Variants in GBP6 observed in about 807,000 individuals in gnomAD.
The protein encoded by GBP6 is guanylate binding protein family member 6, also known as guanylate-binding protein 6.
In GBP6, 54 loss-of-function variants were observed where a neutral mutation model predicts 61.5. The ratio of observed to expected loss-of-function variants is 0.88; its 90% CI spans 0.71 to 1.10. GBP6 has a LOEUF of 1.10. GBP6 is among the 50% of genes least tolerant of loss of function. The pLI is 0.00. For synonymous variants in GBP6, 255 were observed against 273.7 expected (o/e 0.93, Z 0.67); for missense variants, 748 against 752.8 (o/e 0.99, Z 0.07).
intron 3 of GBP6, among the ~76,000 whole-genome samples, chr1:89,370,203 C>G (rs903033213): frequency 2.0e-5 from 3 of 152,170 alleles, no homozygotes; most frequent in African/African-American, 7.2e-5. Flanking sequence ...ATTAAGAGAG[C>G]TGACACCTGT....
Position 89,381,786 on chromosome 1 carries a change from G to A in GBP6, c.964G>A (p.Glu322Lys). 1.9e-6 allele frequency: 3 copies of A among 1,614,158 alleles called. No homozygotes were observed. The highest frequency in any genetic ancestry group is 1.7e-6 in the Non-Finnish European group (2 of 1,180,014). Residue 322 changes from glutamate (E) to lysine (K), a missense_variant, in exon 7 of 11, where the codon GAG becomes AAG. Transcript: ENST00000370456. ...ENAVITLAQR[E>K]NSAAVQRAAD... ...TGCAGTGATAACTCTGGCCCAGCGT[G>A]AGAACTCAGCGGCCGTGCAGAGGGC...
At chr1:89,368,450 T>A in intron 1 of GBP6, 79 bp from the exon 2 acceptor site, 1 of 1,019,536 alleles carries the variant, frequency 9.8e-7, no homozygotes, top group Non-Finnish European at 1.5e-6. Context: ...AACACAGAAG[T>A]CTCATTAGTC....
intron 3 of GBP6, among the ~76,000 whole-genome samples, chr1:89,373,428 G>A (rs1160067329): frequency 1.3e-5 from 2 of 152,134 alleles, no homozygotes; most frequent in Non-Finnish European, 2.9e-5. Context: ...ATGTCCATCA[G>A]TGATAGACTG....
chr1:89,364,626 CGTGT>C (rs138686874), intron 1 of GBP6, among the ~76,000 whole-genome samples: 11 of 107,612 alleles, frequency 1.0e-4, no homozygotes, highest in African/African-American at 2.1e-4. Context: ...TCTGTGTGTG[CGTGT>C]GTGTGTGTGT....
rs1460139072 is a variant in GBP6 at position 89,385,247 on chromosome 1, T to C, written c.1680T>C (p.Leu560=). 1 of 1,613,686 alleles carries C rather than the reference T, an allele frequency of 6.2e-7. No homozygotes were observed. Among genetic ancestry groups the C allele is most frequent in the South Asian group, 1.1e-5 (1 of 91,032 alleles). ...GTCTTTAGGTCCAAAATGATTGGCT[T>C]CATGAAGGATTTAAGAAGAAGTATG... ...EHTQKVQNDW[L]HEGFKKKYEE... is the part of the protein sequence containing the mutation. Residue 560 remains leucine, a synonymous_variant, in exon 11 of 11, where the codon CTT becomes CTC. Transcript: ENST00000370456.
At chr1:89,379,418 C>G (rs576742859) in intron 5 of GBP6, among the ~76,000 whole-genome samples, 2 of 152,188 alleles carry the variant, frequency 1.3e-5, no homozygotes, top group African/African-American at 4.8e-5. Flanking sequence ...ACATGTTACA[C>G]AGATATTATT....
At chr1:89,371,526 C>T (rs1480514818) in intron 3 of GBP6, among the ~76,000 whole-genome samples, 1 of 152,156 alleles carries the variant, frequency 6.6e-6, no homozygotes, top group Non-Finnish European at 1.5e-5. Flanking sequence ...AATCAATAAA[C>T]ATAATCCAGC....
chr1:89,374,930 C>A (rs569111436), intron 3 of GBP6, among the ~76,000 whole-genome samples: 3 of 152,228 alleles, frequency 2.0e-5, no homozygotes, highest in African/African-American at 7.2e-5. Context: ...CCCTCCCACA[C>A]CCTCCCCTAA....
At chr1:89,370,554 T>C (rs1343187763) in intron 3 of GBP6, among the ~76,000 whole-genome samples, 1 of 152,228 alleles carries the variant, frequency 6.6e-6, no homozygotes, top group Non-Finnish European at 1.5e-5. Context: ...AAATAAATAA[T>C]TTCTCTCTTT....
chr1:89,365,046 A>C, intron 1 of GBP6, among the ~76,000 whole-genome samples: 1 of 140,660 alleles, frequency 7.1e-6, no homozygotes, highest in Non-Finnish European at 1.5e-5. Context: ...TCATTGTTCA[A>C]CTCCCACTTA....
At position 89,369,439 on chromosome 1, in the gene GBP6, A is replaced by G. The variant is rs995355217; in HGVS notation, c.191-107A>G. 3.1e-5 allele frequency: 41 copies of G among 1,305,494 alleles called. No homozygotes were observed. The African/African-American group carries it at 5.5e-4, about 17-fold the overall frequency. 80.9% of individuals were successfully genotyped at this position (1,305,494 alleles called of 1,614,324 possible). ...TTCTTGAGGAAATACAGAAAGGACC[A>G]TCATGTATGTTGGGGTAGTTACAAT... On this transcript the variant is annotated intron_variant, in intron 2 of 10. Coordinates refer to ENST00000370456, the MANE Select transcript of GBP6 (RefSeq NM_198460.3).
Position 89,386,997 on chromosome 1 carries a change from G to A in GBP6, c.*1528G>A, listed in dbSNP as rs1378623318. Among the ~76,000 whole-genome samples the A allele has an allele frequency of 6.6e-6, 1 of 152,188 alleles. No homozygotes were observed. Among genetic ancestry groups the A allele is most frequent in the Admixed American group, 6.5e-5 (1 of 15,280 alleles). ...ACCAGCCATAGGGTTAAATGGGATG[G>A]GGAGAAAACAATCAAGTGAAGTAAA... is the stretch of plus-strand genomic sequence containing the variant. On this transcript the variant is annotated 3_prime_UTR_variant, in exon 11 of 11. Transcript: ENST00000370456.
rs1448475865 is a variant in GBP6, at chr1:89,383,635, T to C, written c.1366-17T>C. On this transcript the variant is annotated splice_polypyrimidine_tract_variant and intron_variant, in intron 8 of 10. Transcript: ENST00000370456. Reference sequence around the variant, plus strand: ...AGATTTTCAAAGAAATCTAAGTGCTTTTTCTTCCTTCCATAGGCAAAAGAG... The same window carrying C: ...AGATTTTCAAAGAAATCTAAGTGCTCTTTCTTCCTTCCATAGGCAAAAGAG... 3 of 1,551,776 alleles carry C rather than the reference T, an allele frequency of 1.9e-6. No homozygotes were observed. Among genetic ancestry groups the C allele is most frequent in the Non-Finnish European group, 2.6e-6 (3 of 1,134,630 alleles).
chr1:89,380,956 T>C (rs1652960491), intron 6 of GBP6, among the ~76,000 whole-genome samples: 1 of 152,186 alleles, frequency 6.6e-6, no homozygotes, highest in Non-Finnish European at 1.5e-5. Flanking sequence ...CAGTATTCTT[T>C]GCCAAGAGAA....
chr1:89,383,225 T>C (rs923872693), intron 8 of GBP6, among the ~76,000 whole-genome samples: 3 of 6,898 alleles, frequency 4.3e-4, no homozygotes, highest in Non-Finnish European at 6.6e-4. Flanking sequence ...AGCACCTTTA[T>C]TTGGAAATTT....
At chr1:89,367,811 C>T (rs956195980) in intron 1 of GBP6, among the ~76,000 whole-genome samples, 7 of 152,146 alleles carry the variant, frequency 4.6e-5, no homozygotes, top group African/African-American at 1.7e-4. Flanking sequence ...CAAATAAGGT[C>T]TTCTTTGCTC....
chr1:89,376,530 A>G (rs1382269465), intron 3 of GBP6, among the ~76,000 whole-genome samples: 2 of 152,148 alleles, frequency 1.3e-5, no homozygotes, highest in Non-Finnish European at 2.9e-5. Flanking sequence ...GTGGATGTAT[A>G]CATTTATTTC....
intron 3 of GBP6, among the ~76,000 whole-genome samples, chr1:89,376,490 C>A (rs1243947380): frequency 6.6e-6 from 1 of 152,164 alleles, no homozygotes; most frequent in Non-Finnish European, 1.5e-5. Flanking sequence ...AATATAAGTT[C>A]TCAGCACATT....
chr1:89,377,234 A>C (rs548909908), intron 3 of GBP6, among the ~76,000 whole-genome samples: 2 of 152,156 alleles, frequency 1.3e-5, no homozygotes, highest in Non-Finnish European at 2.9e-5. Flanking sequence ...CAGGTACTGG[A>C]GCTCCCTATT....
Sources: allele counts gnomAD v4.1 joint callset (sites outside exome capture counted in the v4.1 genomes callset), GRCh38; gene constraint gnomAD v4.1.1; transcripts MANE v1.5; gene names NCBI Gene and HGNC (gene_info 2026-07-23, HGNC 2026-07-21).